The following TTC28 variants were observed in gnomAD, a reference collection of about 807,000 sequenced individuals.
The protein encoded by TTC28 is tetratricopeptide repeat protein 28.
In TTC28, 61 loss-of-function variants were observed where a neutral mutation model predicts 198.0. That is an observed-to-expected ratio of 0.31 (90% CI 0.25 to 0.38). TTC28 has a LOEUF of 0.38. Among genes scored for constraint, TTC28 ranks in the 10% least tolerant of loss-of-function variants. The pLI, the probability that TTC28 is intolerant of heterozygous loss-of-function variation, is 1.00. For synonymous variants in TTC28, 1,171 were observed against 1,297.8 expected (o/e 0.90, Z 2.10); for missense variants, 2,678 against 3,164.0 (o/e 0.85, Z 3.69).
chr22:28,672,380 C>G (rs2051902130), intron 1 of TTC28, among the ~76,000 whole-genome samples: 1 of 152,056 alleles, frequency 6.6e-6, no homozygotes, highest in African/African-American at 2.4e-5. Flanking sequence ...ATTGGCCAGG[C>G]TGGTCTTGAA....
At chr22:28,504,648 C>T (rs893391944) in intron 2 of TTC28, among the ~76,000 whole-genome samples, 2 of 152,160 alleles carry the variant, frequency 1.3e-5, no homozygotes, top group African/African-American at 2.4e-5. Flanking sequence ...AAATAAACTG[C>T]ACAGTCTTTT....
intron 6 of TTC28, among the ~76,000 whole-genome samples, chr22:28,144,297 T>G (rs1601379835): frequency 6.6e-6 from 1 of 152,208 alleles, no homozygotes; most frequent in South Asian, 2.1e-4. Context: ...TTTTTCTGTC[T>G]CCTGGCTGCC....
intron 14 of TTC28, among the ~76,000 whole-genome samples, chr22:28,003,954 G>C: frequency 6.6e-6 from 1 of 152,242 alleles, no homozygotes; most frequent in East Asian, 1.9e-4. Flanking sequence ...GGACCGTAGG[G>C]AAGTCAGATA....
chr22:28,582,400 A>G (rs999339325), intron 2 of TTC28, among the ~76,000 whole-genome samples: 4 of 152,216 alleles, frequency 2.6e-5, no homozygotes, highest in Admixed American at 2.6e-4. Flanking sequence ...TATTTCTTTC[A>G]AGGAAGACAT....
chr22:28,618,371 AC>A lies in TTC28; in HGVS notation c.381+11180del, dbSNP rs374358244. Among the ~76,000 whole-genome samples, 149 of 151,730 alleles carry A rather than the reference AC, an allele frequency of 9.8e-4. 3 individuals are homozygous for A. In the South Asian group the frequency reaches 0.027, roughly 28 times the overall value. On this transcript the variant is annotated intron_variant, in intron 2 of 22. Coordinates refer to ENST00000397906, the MANE Select transcript of TTC28 (RefSeq NM_001145418.2). ...CAAAAGTTAGTGGACACAAGTGCAA[AC>A]CAAAAATACATCTAAATGAAAAAAC...
At chr22:28,425,614 T>C (rs539065752) in intron 2 of TTC28, among the ~76,000 whole-genome samples, 12 of 152,358 alleles carry the variant, frequency 7.9e-5, no homozygotes, top group East Asian at 7.7e-4. Flanking sequence ...AATGGATTCA[T>C]TGATCAAGTG....
At chr22:28,460,612 TA>T (rs2047935123) in intron 2 of TTC28, among the ~76,000 whole-genome samples, 1 of 642 alleles carries the variant, frequency 1.6e-3, no homozygotes, top group Non-Finnish European at 3.0e-3. Flanking sequence ...TAATGGTAGA[TA>T]GATAGATAGA....
intron 6 of TTC28, among the ~76,000 whole-genome samples, chr22:28,113,086 A>C (rs1239886415): frequency 1.3e-5 from 2 of 152,178 alleles, no homozygotes; most frequent in East Asian, 3.9e-4. Flanking sequence ...TTTTGCTTTT[A>C]TTATTAGCCA....
intron 2 of TTC28, among the ~76,000 whole-genome samples, chr22:28,585,483 G>A (rs893848307): frequency 9.9e-5 from 15 of 152,164 alleles, no homozygotes; most frequent in Admixed American, 2.0e-4. Context: ...CAGAGCTCAG[G>A]CAGTAATGCA....
At chr22:28,541,976 C>A (rs2049422534) in intron 2 of TTC28, among the ~76,000 whole-genome samples, 1 of 152,064 alleles carries the variant, frequency 6.6e-6, no homozygotes. Flanking sequence ...GTGGTCCTAA[C>A]TACTTGAGAG....
chr22:28,178,012 T>C (rs1449293127), intron 5 of TTC28, among the ~76,000 whole-genome samples: 1 of 152,164 alleles, frequency 6.6e-6, no homozygotes, highest in Non-Finnish European at 1.5e-5. Context: ...TTAATAATTA[T>C]ATATCAATAT....
chr22:28,443,312 G>A (rs898093823), intron 2 of TTC28, among the ~76,000 whole-genome samples: 3 of 152,158 alleles, frequency 2.0e-5, no homozygotes, highest in Non-Finnish European at 4.4e-5. Flanking sequence ...AACCCCTTTT[G>A]GCGAATTCTC....
At chr22:28,154,189 T>C (rs1248497834) in intron 6 of TTC28, among the ~76,000 whole-genome samples, 1 of 152,164 alleles carries the variant, frequency 6.6e-6, no homozygotes, top group African/African-American at 2.4e-5. Context: ...AGTAACCTAC[T>C]CTGCAGCACA....
chr22:28,282,763 A>G (rs1383164010), intron 5 of TTC28, among the ~76,000 whole-genome samples: 1 of 152,172 alleles, frequency 6.6e-6, no homozygotes, highest in Non-Finnish European at 1.5e-5. Flanking sequence ...ATATGAAGAG[A>G]CTACAAAATG....
intron 2 of TTC28, among the ~76,000 whole-genome samples, chr22:28,583,606 C>G (rs1040477393): frequency 1.3e-5 from 2 of 152,236 alleles, no homozygotes; most frequent in African/African-American, 4.8e-5. Flanking sequence ...TATTTTACAG[C>G]TGCTTCTTTC....
intron 6 of TTC28, among the ~76,000 whole-genome samples, chr22:28,134,007 C>A (rs778664191): frequency 6.6e-6 from 1 of 152,172 alleles, no homozygotes; most frequent in African/African-American, 2.4e-5. Flanking sequence ...CCCTCTGAGA[C>A]GAAGCTTCCA....
At chr22:28,569,221 GC>G (rs1380755937) in intron 2 of TTC28, among the ~76,000 whole-genome samples, 1 of 151,340 alleles carries the variant, frequency 6.6e-6, no homozygotes, top group Non-Finnish European at 1.5e-5. Context: ...CCAAAAAAGA[GC>G]CTGAATAGCC....
chr22:27,989,936 G>A lies in TTC28; in HGVS notation c.5649C>T (p.Val1883=), dbSNP rs1213701852. ...GCCGCCACAGCTGGACGCTGATGGA[G>A]ACCTGAATGGGAGCTGATGCCAAGT... ...EQDLASAPIQ[V]SISVQLWRLP... The change falls in exon 21 of 23, where the codon GTC becomes GTT. Residue 1883 remains valine, a synonymous_variant. Coordinates refer to ENST00000397906, the MANE Select transcript of TTC28 (RefSeq NM_001145418.2). 1 of 1,551,334 alleles carries A rather than the reference G, an allele frequency of 6.4e-7. No homozygotes were observed. Among genetic ancestry groups the A allele is most frequent in the Non-Finnish European group, 8.7e-7 (1 of 1,146,970 alleles).
At chr22:28,547,021 C>A (rs1238299178) in intron 2 of TTC28, among the ~76,000 whole-genome samples, 1 of 152,094 alleles carries the variant, frequency 6.6e-6, no homozygotes, top group Non-Finnish European at 1.5e-5. Context: ...TTTCTGGGGT[C>A]ATGGAAGTGC....
Sources: allele counts gnomAD v4.1 joint callset (sites outside exome capture counted in the v4.1 genomes callset), GRCh38; gene constraint gnomAD v4.1.1; transcripts MANE v1.5; gene names NCBI Gene and HGNC (gene_info 2026-07-23, HGNC 2026-07-21).